Variants in SLC2A9 observed in about 807,000 individuals in gnomAD.
SLC2A9 encodes solute carrier family 2 member 9, also known as solute carrier family 2, facilitated glucose transporter member 9.
In SLC2A9, 39 loss-of-function variants were observed where a neutral mutation model predicts 50.6. That is an observed-to-expected ratio of 0.77 (90% confidence interval 0.60 to 1.01). The LOEUF is 1.01. Ranked by LOEUF, SLC2A9 falls within the 50% of genes least tolerant of loss-of-function variation. The pLI, the probability that SLC2A9 is intolerant of heterozygous loss-of-function variation, is 0.00. For missense variants in SLC2A9, 686 were observed against 677.6 expected (o/e 1.01, Z -0.14); for synonymous variants, 324 against 276.9 (o/e 1.17, Z -1.69).
chr4:9,981,582 A>G (rs1250902729), intron 4 of SLC2A9, among the ~76,000 whole-genome samples: 1 of 152,192 alleles, frequency 6.6e-6, no homozygotes, highest in South Asian at 2.1e-4. Context: ...GTTTAAAAAA[A>G]TTATTTTGCC....
intron 7 of SLC2A9, among the ~76,000 whole-genome samples, chr4:9,913,330 TGAGA>T (rs968021703): frequency 0.026 from 2,265 of 88,746 alleles, 40 homozygotes; most frequent in African/African-American, 0.085. Context: ...TGTGTGTGTG[TGAGA>T]GAGAGAGAGA....
intron 3 of SLC2A9, among the ~76,000 whole-genome samples, chr4:9,987,609 C>T (rs4385059): frequency 0.84 from 127,625 of 152,176 alleles, 53,751 homozygotes; most frequent in East Asian, 0.98. Context: ...AACTTGCGCT[C>T]TTCCCACCAG....
intron 3 of SLC2A9, among the ~76,000 whole-genome samples, chr4:9,987,730 G>C (rs73100632): frequency 0.075 from 11,344 of 152,010 alleles, 773 homozygotes; most frequent in East Asian, 0.39. Flanking sequence ...CGGGAGACTG[G>C]GGCAGGAGAA....
intron 1 of SLC2A9, chr4:9,771,413 G>A: frequency 2.5e-6 from 1 of 398,470 alleles, no homozygotes; most frequent in Non-Finnish European, 4.4e-6. Context: ...GTTCTTAGGT[G>A]CTCCTGACAA....
At chr4:9,979,531 C>G (rs1413032317) in intron 5 of SLC2A9, among the ~76,000 whole-genome samples, 2 of 152,124 alleles carry the variant, frequency 1.3e-5, no homozygotes, top group African/African-American at 4.8e-5. Context: ...TGGGAGGAAT[C>G]CTAGCAAGTC....
chr4:9,977,750 G>C (rs1193066126), intron 5 of SLC2A9, among the ~76,000 whole-genome samples: 5 of 152,014 alleles, frequency 3.3e-5, no homozygotes, highest in East Asian at 1.9e-4. Context: ...CACCCCCGAT[G>C]CCCTACCAGA....
chr4:9,991,374 T>C (rs114663735), intron 3 of SLC2A9, among the ~76,000 whole-genome samples: 2,147 of 152,294 alleles, frequency 0.014, 24 homozygotes, highest in Middle Eastern at 0.054. Flanking sequence ...CTAAACTATG[T>C]TCCTGCCCCC....
intron 9 of SLC2A9, 131 bp downstream of exon 9, chr4:9,890,479 C>G (rs1375777239): frequency 4.6e-6 from 4 of 877,674 alleles, no homozygotes; most frequent in Non-Finnish European, 7.5e-6. Context: ...GATGAGATGT[C>G]CCCGGGGAGA....
chr4:9,812,686 G>A (rs1723048266), intron 3 of SLC2A9, among the ~76,000 whole-genome samples: 1 of 152,094 alleles, frequency 6.6e-6, no homozygotes, highest in Non-Finnish European at 1.5e-5. Context: ...AAATTCAAGA[G>A]ACACATAGTC....
At chr4:9,824,809 A>G (rs1416129033), downstream of SLC2A9, among the ~76,000 whole-genome samples, 4 of 152,144 alleles carry the variant, frequency 2.6e-5, no homozygotes, top group African/African-American at 9.7e-5. Flanking sequence ...TTTATTTTAC[A>G]CTGTCTTTGG....
chr4:9,981,881 TC>T (rs1428088381), intron 4 of SLC2A9, among the ~76,000 whole-genome samples: 2 of 148,240 alleles, frequency 1.3e-5, no homozygotes, highest in Admixed American at 1.4e-4. Context: ...GGCTTTAAAT[TC>T]TTTTTTTTTT....
intron 6 of SLC2A9, chr4:9,923,728 G>A (rs1744368743): frequency 6.6e-6 from 1 of 152,280 alleles, no homozygotes. Context: ...GAGAGCTGCT[G>A]AGTAAAACCA....
At chr4:9,890,802 T>C (rs1016054789) in intron 8 of SLC2A9, 91 bp from the exon 9 acceptor site, 5 of 1,189,122 alleles carry the variant, frequency 4.2e-6, no homozygotes, top group Non-Finnish European at 4.9e-6. Flanking sequence ...AATGGCATCA[T>C]GATTAAAAAC....
At chr4:10,002,756 G>C (rs964355036) in intron 2 of SLC2A9, among the ~76,000 whole-genome samples, 3 of 152,200 alleles carry the variant, frequency 2.0e-5, no homozygotes, top group African/African-American at 7.2e-5. Flanking sequence ...TGGAGGCTGA[G>C]GCTGGGGAAT....
chr4:9,923,504 T>A (rs1744313800), intron 6 of SLC2A9, among the ~76,000 whole-genome samples: 1 of 152,056 alleles, frequency 6.6e-6, no homozygotes, highest in Non-Finnish European at 1.5e-5. Flanking sequence ...AGGAGAGGGA[T>A]AACCAGAGCC....
chr4:9,778,718 C>T (rs898017841), downstream of SLC2A9, among the ~76,000 whole-genome samples: 7 of 152,188 alleles, frequency 4.6e-5, no homozygotes, highest in South Asian at 1.2e-3. Context: ...GGAGCACCGC[C>T]CAGGTCAAGA....
intron 6 of SLC2A9, among the ~76,000 whole-genome samples, chr4:9,934,265 C>G (rs1324401360): frequency 4.6e-5 from 7 of 152,152 alleles, no homozygotes; most frequent in African/African-American, 1.7e-4. Flanking sequence ...CCCACTGTAC[C>G]ACTCCACCTG....
intron 10 of SLC2A9, among the ~76,000 whole-genome samples, chr4:9,849,412 T>A (rs1354684300): frequency 6.6e-6 from 1 of 152,186 alleles, no homozygotes; most frequent in East Asian, 1.9e-4. Context: ...CTAACTTGAA[T>A]TTGTGTAGGA....
chr4:9,948,935 C>T (rs1215857996), intron 5 of SLC2A9, among the ~76,000 whole-genome samples: 2 of 152,224 alleles, frequency 1.3e-5, no homozygotes, highest in African/African-American at 4.8e-5. Context: ...AAATTATTTA[C>T]TTGGCCAAAC....
Sources: gnomAD v4.1 joint callset for allele counts (sites outside exome capture counted in the v4.1 genomes callset) on GRCh38, gnomAD v4.1.1 for gene constraint, MANE v1.5 for transcripts, NCBI Gene and HGNC (gene_info 2026-07-23, HGNC 2026-07-21) for gene names.